The following SLC5A3 variants were observed in gnomAD, a reference collection of about 807,000 sequenced individuals.
The protein encoded by SLC5A3 is sodium/myo-inositol cotransporter.
In SLC5A3, 10 loss-of-function variants were observed where a neutral mutation model predicts 43.2. That is an observed-to-expected ratio of 0.23 (90% confidence interval 0.14 to 0.39). The LOEUF (loss-of-function observed/expected upper bound fraction) is 0.39. SLC5A3 is among the 10% of genes least tolerant of loss of function. SLC5A3 has a pLI of 1.00. For synonymous variants in SLC5A3, 349 were observed against 322.0 expected (o/e 1.08, Z -0.90); for missense variants, 608 against 893.4 (o/e 0.68, Z 4.07).
In SLC5A3 at chr21:34,099,575, C is replaced by A. The variant is rs1260165864; in HGVS notation, c.*2220C>A. On this transcript the variant is annotated 3_prime_UTR_variant, in exon 2 of 2. Transcript: ENST00000381151. ...CTGGGCAGCCTATCTCTTCCATATC[C>A]AGCGTAAATGAATAGGAGGTGTTTG... The A allele has an allele frequency of 3.0e-6, 3 of 999,796 alleles. No individual in the cohort carries two copies. The African/African-American group carries it at 5.2e-5, about 17-fold the overall frequency. The allele number at this position is 999,796 out of a possible 1,614,324, so 61.9% of individuals were successfully genotyped here.
Position 34,103,209 on chromosome 21 carries a change from C to T in SLC5A3, c.*5854C>T, listed in dbSNP as rs1408127589. The stretch of plus-strand genomic sequence containing the variant: ...TGAAATTTATGTGTTTGGATTAGTG[C>T]CTTCTGGTTACCAGTATTGACTCTG... On this transcript the variant is annotated 3_prime_UTR_variant, in exon 2 of 2. Transcript: ENST00000381151. 2.0e-6 allele frequency: 2 copies of T among 999,644 alleles called. No individual in the cohort carries two copies. The highest frequency in any genetic ancestry group is 3.5e-5 in the African/African-American group (2 of 57,126). 61.9% of individuals were successfully genotyped at this position (999,644 alleles called of 1,614,324 possible). A position where few individuals can be genotyped will look rare whatever the true frequency, so the allele number is the denominator to read the frequency against.
chr21:34,091,718 G>A (rs1318282344), intron 1 of SLC5A3, among the ~76,000 whole-genome samples: 1 of 152,160 alleles, frequency 6.6e-6, no homozygotes, highest in Non-Finnish European at 1.5e-5. Context: ...TTCTGAGAAG[G>A]ATGCCTTCTC....
At chr21:34,073,884 G>GGCGGGCGTCC (rs1352271717) in intron 1 of SLC5A3, 139 bp downstream of exon 1, 1 of 329,002 alleles carries the variant, frequency 3.0e-6, no homozygotes, top group Non-Finnish European at 4.4e-6. Flanking sequence ...GCGGGCGGGC[G>GGCGGGCGTCC]GCGGGCGTCC....
In SLC5A3 at chr21:34,105,291, T is replaced by A. The variant is rs979432553; in HGVS notation, c.*7936T>A. The stretch of plus-strand genomic sequence containing the variant: ...TGGCAATCATGTATGAACTGTGTTA[T>A]ACTTCTCAGTGCTTTCTTTTTTCTT... On this transcript the variant is annotated 3_prime_UTR_variant, in exon 2 of 2. Coordinates refer to ENST00000381151, the MANE Select transcript of SLC5A3 (RefSeq NM_006933.7). 3 of 1,000,106 alleles carry A rather than the reference T, an allele frequency of 3.0e-6. No homozygotes were observed. In the African/African-American group the frequency reaches 5.2e-5, roughly 17 times the overall value. 62.0% of individuals were successfully genotyped at this position (1,000,106 alleles called of 1,614,324 possible). A position where few individuals can be genotyped will look rare whatever the true frequency, so the allele number is the denominator to read the frequency against.
chr21:34,086,254 G>A (rs1363331730), intron 1 of SLC5A3, among the ~76,000 whole-genome samples: 1 of 152,166 alleles, frequency 6.6e-6, no homozygotes, highest in Non-Finnish European at 1.5e-5. Flanking sequence ...GTGGTCTTGG[G>A]AGGGATAGAT....
chr21:34,095,570 C>A lies in SLC5A3; in HGVS notation c.372C>A (p.Val124=). 6.2e-7 allele frequency: 1 copy of A among 1,613,652 alleles called. No individual in the cohort carries two copies. The highest frequency in any genetic ancestry group is 8.5e-7 in the Non-Finnish European group (1 of 1,179,922). Residue 124 remains valine (V), a synonymous_variant, in exon 2 of 2, where the codon GTC becomes GTA. Coordinates refer to ENST00000381151, the MANE Select transcript of SLC5A3 (RefSeq NM_006933.7). The part of the protein sequence containing the change: ...SKRFGGHRIQ[V]YFAALSLILY... ...GATTTGGTGGCCATAGGATTCAGGT[C>A]TATTTTGCAGCCTTGTCTCTGATTC...
intron 1 of SLC5A3, among the ~76,000 whole-genome samples, chr21:34,090,297 T>TG (rs1240724386): frequency 2.0e-5 from 3 of 152,206 alleles, no homozygotes; most frequent in African/African-American, 7.2e-5. Context: ...CAGTCCTATG[T>TG]GAGTACACAT....
chr21:34,081,137 A>G (rs1989449644), intron 1 of SLC5A3, among the ~76,000 whole-genome samples: 6 of 152,142 alleles, frequency 3.9e-5, no homozygotes, highest in Admixed American at 3.9e-4. Context: ...AAGAAAAATA[A>G]CTAGGAGGAT....
chr21:34,105,453 A>G lies in SLC5A3; in HGVS notation c.*8098A>G. The G allele has an allele frequency of 1.0e-6, 1 of 999,678 alleles. No individual in the cohort carries two copies. The highest frequency in any genetic ancestry group is 1.2e-6 in the Non-Finnish European group (1 of 829,592). The allele number at this position is 999,678 out of a possible 1,614,324, so 61.9% of individuals were successfully genotyped here. ...ATTTATTTTTAAGCCAAATGTCAGCAGAGTGCTGCTGCTTTTATCTAGTAA... is the reference window on the plus strand; with the variant it reads ...ATTTATTTTTAAGCCAAATGTCAGCGGAGTGCTGCTGCTTTTATCTAGTAA... On this transcript the variant is annotated 3_prime_UTR_variant, in exon 2 of 2. Coordinates refer to ENST00000381151, the MANE Select transcript of SLC5A3 (RefSeq NM_006933.7).
chr21:34,102,285 T>C lies in SLC5A3; in HGVS notation c.*4930T>C. The C allele has an allele frequency of 1.0e-6, 1 of 999,576 alleles. No individual in the cohort carries two copies. 61.9% of individuals were successfully genotyped at this position (999,576 alleles called of 1,614,324 possible). A position where few individuals can be genotyped will look rare whatever the true frequency, so the allele number is the denominator to read the frequency against. On this transcript the variant is annotated 3_prime_UTR_variant, in exon 2 of 2. Coordinates refer to ENST00000381151, the MANE Select transcript of SLC5A3 (RefSeq NM_006933.7). Reference sequence around the variant, plus strand: ...TCACTTAGTAGTCATATAAATGTTTTTATTTAAACTTCTCTCTCTTCAATG... The same window carrying C: ...TCACTTAGTAGTCATATAAATGTTTCTATTTAAACTTCTCTCTCTTCAATG...
chr21:34,092,418 A>G (rs1002242791), intron 1 of SLC5A3, among the ~76,000 whole-genome samples: 11 of 152,126 alleles, frequency 7.2e-5, no homozygotes, highest in African/African-American at 1.2e-4. Flanking sequence ...AACTGTCCGC[A>G]GTGGCTTTGA....
chr21:34,098,768 A>G lies in SLC5A3; in HGVS notation c.*1413A>G, dbSNP rs1979092574. On this transcript the variant is annotated 3_prime_UTR_variant, in exon 2 of 2. Transcript: ENST00000381151. ...CACTTGCAGCTAGTGGGTACAGGGT[A>G]CAAAAGATGTTAGAGAAAAGCTCTA... 6.0e-6 allele frequency: 6 copies of G among 1,000,278 alleles called. No individual in the cohort carries two copies. Among genetic ancestry groups the G allele is most frequent in the East Asian group, 1.1e-4 (1 of 8,808 alleles). The allele number at this position is 1,000,278 out of a possible 1,614,324, so 62.0% of individuals were successfully genotyped here.
At position 34,097,149 on chromosome 21, in the gene SLC5A3, G is replaced by A. The variant is rs539604957; in HGVS notation, c.1951G>A (p.Gly651Arg). ...EKERKKETDD[G>R]GRYWKFIDWF... ...AGAGAGAAAGAAAGAAACGGATGATGGAGGTCGGTACTGGAAGTTCATAGA... is the reference window on the plus strand; with the variant it reads ...AGAGAGAAAGAAAGAAACGGATGATAGAGGTCGGTACTGGAAGTTCATAGA... The change falls in exon 2 of 2, where the codon GGA (glycine) becomes AGA (arginine). Residue 651 changes from glycine (G) to arginine (R), a missense_variant. Gly to Arg is a moderately radical substitution (Grantham distance 125). Around this residue, in one of 2 missense-constraint regions of SLC5A3, gnomAD observed 210 missense variants for 224.8 expected, o/e 0.93. Transcript: ENST00000381151. The A allele has an allele frequency of 8.1e-6, 13 of 1,614,118 alleles. No individual in the cohort carries two copies. The South Asian group carries it at 1.3e-4, about 16-fold the overall frequency.
Position 34,101,361 on chromosome 21 carries a change from A to G in SLC5A3, c.*4006A>G, listed in dbSNP as rs9982224. On this transcript the variant is annotated 3_prime_UTR_variant, in exon 2 of 2. Transcript: ENST00000381151. ...GGTTTGATGTTAAGCATTATAAAGT[A>G]CGAAGTTTGTTACCACAGTAGAGAT... 4,728 of 1,000,170 alleles carry G rather than the reference A, an allele frequency of 4.7e-3. 188 individuals carry two copies. The African/African-American group carries it at 0.075, about 16-fold the overall frequency. The allele number at this position is 1,000,170 out of a possible 1,614,324, so 62.0% of individuals were successfully genotyped here. A position where few individuals can be genotyped will look rare whatever the true frequency, so the allele number is the denominator to read the frequency against.
chr21:34,099,946 T>C lies in SLC5A3; in HGVS notation c.*2591T>C. On this transcript the variant is annotated 3_prime_UTR_variant, in exon 2 of 2. Coordinates refer to ENST00000381151, the MANE Select transcript of SLC5A3 (RefSeq NM_006933.7). ...ACTTAATTCAGGGACCAGTCTTCAA[T>C]CTATATTTCATTAGAATGATTGTTC... is the stretch of plus-strand genomic sequence containing the variant. 2.4e-6 allele frequency: 1 copy of C among 413,738 alleles called. No homozygotes were observed. The highest frequency in any genetic ancestry group is 3.4e-6 in the Non-Finnish European group (1 of 294,152). 25.6% of individuals were successfully genotyped at this position (413,738 alleles called of 1,614,324 possible). A position where few individuals can be genotyped will look rare whatever the true frequency, so the allele number is the denominator to read the frequency against.
chr21:34,097,405 T>TA lies in SLC5A3; in HGVS notation c.*50_*51insA. On this transcript the variant is annotated 3_prime_UTR_variant, in exon 2 of 2. Transcript: ENST00000381151. Reference sequence around the variant, plus strand: ...ACTTAAGACAATACTGACTGGTCTTTGGGGAAAAAAGTTATGTAACTGTGC... The same window carrying TA: ...ACTTAAGACAATACTGACTGGTCTTTAGGGGAAAAAAGTTATGTAACTGTGC... 7.3e-7 allele frequency: 1 copy of TA among 1,367,196 alleles called. No individual in the cohort carries two copies. The highest frequency in any genetic ancestry group is 9.4e-7 in the Non-Finnish European group (1 of 1,068,304). 84.7% of individuals were successfully genotyped at this position (1,367,196 alleles called of 1,614,324 possible).
intron 1 of SLC5A3, among the ~76,000 whole-genome samples, chr21:34,083,695 A>G (rs916043897): frequency 5.3e-5 from 8 of 152,310 alleles, no homozygotes; most frequent in Admixed American, 3.9e-4. Flanking sequence ...CCAAGTTTCC[A>G]TTAGGCAGCC....
At chr21:34,091,057 A>G (rs1377434115) in intron 1 of SLC5A3, among the ~76,000 whole-genome samples, 1 of 152,182 alleles carries the variant, frequency 6.6e-6, no homozygotes, top group African/African-American at 2.4e-5. Flanking sequence ...TGTGTGTTCT[A>G]TAACCCTTCA....
At chr21:34,085,158 T>G (rs1182787459) in intron 1 of SLC5A3, among the ~76,000 whole-genome samples, 1 of 152,228 alleles carries the variant, frequency 6.6e-6, no homozygotes, top group Non-Finnish European at 1.5e-5. Context: ...TTAGTCTCCT[T>G]GAACAGTTCC....
Sources: allele counts gnomAD v4.1 joint callset (sites outside exome capture counted in the v4.1 genomes callset), GRCh38; gene constraint gnomAD v4.1.1; regional missense constraint gnomAD v4.1.1; transcripts MANE v1.5; gene names NCBI Gene and HGNC (gene_info 2026-07-23, HGNC 2026-07-21).